The following STXBP5L variants were observed in gnomAD, a reference collection of about 807,000 sequenced individuals.
STXBP5L encodes syntaxin-binding protein 5-like.
In STXBP5L, 65 loss-of-function variants were observed where a neutral mutation model predicts 144.5. The ratio of observed to expected loss-of-function variants is 0.45; its 90% CI spans 0.37 to 0.55. The LOEUF (loss-of-function observed/expected upper bound fraction) is 0.55. STXBP5L is among the 20% of genes least tolerant of loss of function. The pLI is 0.00. For missense variants in STXBP5L, 1,298 were observed against 1,405.5 expected, an observed-to-expected ratio of 0.92 and a Z score of 1.22; for synonymous variants, 505 against 469.6, an observed-to-expected ratio of 1.08 and a Z score of -0.97.
At chr3:121,303,693 C>T (rs1366020479) in intron 19 of STXBP5L, among the ~76,000 whole-genome samples, 3 of 152,148 alleles carry the variant, frequency 2.0e-5, no homozygotes, top group Non-Finnish European at 4.4e-5. Flanking sequence ...GAATACTATG[C>T]AGCCATAAAA....
intron 3 of STXBP5L, among the ~76,000 whole-genome samples, chr3:120,984,135 C>G (rs951003468): frequency 3.3e-5 from 5 of 152,190 alleles, no homozygotes; most frequent in East Asian, 1.9e-4. Context: ...AGACTCTTCT[C>G]TTAGACTCAT....
At position 121,157,504 on chromosome 3, in the gene STXBP5L, G is replaced by T; in HGVS notation, c.754G>T (p.Ala252Ser). ...CTTGTTTTAATTGTTATTTTATTAG[G>T]CTATTCATTCAATTGATTGGCATCA... ...RAELRVYYDE[A>S]IHSIDWHHEG... Residue 252 changes from alanine (A) to serine (S), a missense_variant and splice_region_variant, in exon 9 of 27, where the codon GCT (alanine) becomes TCT (serine). Ala to Ser is a moderately conservative substitution (Grantham distance 99, BLOSUM62 1). Transcript: ENST00000471454. The T allele has an allele frequency of 1.3e-6, 2 of 1,573,116 alleles. No homozygotes were observed. The highest frequency in any genetic ancestry group is 8.6e-7 in the Non-Finnish European group (1 of 1,165,186).
At chr3:121,189,289 C>G (rs2108150948) in intron 9 of STXBP5L, among the ~76,000 whole-genome samples, 1 of 152,300 alleles carries the variant, frequency 6.6e-6, no homozygotes, top group South Asian at 2.1e-4. Flanking sequence ...AACATGAAGT[C>G]CTTGCCCATG....
intron 20 of STXBP5L, among the ~76,000 whole-genome samples, chr3:121,339,070 C>T (rs565409308): frequency 2.0e-5 from 3 of 151,986 alleles, no homozygotes; most frequent in Non-Finnish European, 4.4e-5. Context: ...ACCTTGATAC[C>T]AAAGCCAGGA....
chr3:121,003,774 T>C (rs1462135558), intron 3 of STXBP5L, among the ~76,000 whole-genome samples: 1 of 152,172 alleles, frequency 6.6e-6, no homozygotes, highest in Non-Finnish European at 1.5e-5. Context: ...TACATATGGC[T>C]AGGCAGTTTT....
In STXBP5L at chr3:120,913,799, G is replaced by A. The variant is rs142519174; in HGVS notation, c.189+4032G>A. 2.9e-4 allele frequency among the ~76,000 whole-genome samples: 44 copies of A among 152,038 alleles called. No individual in the cohort carries two copies. The East Asian group carries it at 8.1e-3, about 28-fold the overall frequency. On this transcript the variant is annotated intron_variant, in intron 2 of 26. Coordinates refer to ENST00000471454, the MANE Select transcript of STXBP5L (RefSeq NM_001308330.2). ...TATGTATAAAGCAAGGCTTTATTTT[G>A]TTCACATCTGTATCATCTATGTATA...
At chr3:121,265,104 C>G (rs1029165942) in intron 18 of STXBP5L, among the ~76,000 whole-genome samples, 10 of 152,180 alleles carry the variant, frequency 6.6e-5, no homozygotes, top group Non-Finnish European at 1.5e-5. Flanking sequence ...GACTTGAACT[C>G]AGCTCTGGAA....
At chr3:121,031,126 T>G (rs533300517) in intron 3 of STXBP5L, among the ~76,000 whole-genome samples, 10 of 152,164 alleles carry the variant, frequency 6.6e-5, no homozygotes, top group African/African-American at 2.2e-4. Context: ...AAACACCCCA[T>G]AAACCACATG....
chr3:121,157,427 T>C (rs753207209), intron 8 of STXBP5L, 77 bp from the exon 9 acceptor site: 15 of 1,381,404 alleles, frequency 1.1e-5, no homozygotes, highest in Non-Finnish European at 1.4e-5. Context: ...ATCAGAATAG[T>C]TTTTCTTTGG....
intron 20 of STXBP5L, among the ~76,000 whole-genome samples, chr3:121,360,759 G>T (rs1413627519): frequency 6.6e-6 from 1 of 152,034 alleles, no homozygotes; most frequent in Non-Finnish European, 1.5e-5. Flanking sequence ...GTCTTGAAAA[G>T]TTGTAGTTAT....
intron 3 of STXBP5L, among the ~76,000 whole-genome samples, chr3:121,039,360 A>G (rs1946981683): frequency 6.6e-6 from 1 of 151,946 alleles, no homozygotes; most frequent in South Asian, 2.1e-4. Context: ...ATGGTATAAT[A>G]GTAAAGTTTC....
chr3:121,366,817 C>A (rs2045876795), intron 20 of STXBP5L, among the ~76,000 whole-genome samples: 1 of 148,828 alleles, frequency 6.7e-6, no homozygotes, highest in South Asian at 2.1e-4. Flanking sequence ...TTTTGTACTC[C>A]ATTTTTTTAT....
At chr3:121,288,748 T>C (rs1173839696) in intron 19 of STXBP5L, among the ~76,000 whole-genome samples, 1 of 152,186 alleles carries the variant, frequency 6.6e-6, no homozygotes, top group Non-Finnish European at 1.5e-5. Flanking sequence ...AAACCTTTGT[T>C]GGATGCATAA....
At chr3:120,931,009 G>C (rs1451818504) in intron 2 of STXBP5L, among the ~76,000 whole-genome samples, 1 of 152,006 alleles carries the variant, frequency 6.6e-6, no homozygotes, top group African/African-American at 2.4e-5. Flanking sequence ...ATGTAGACTA[G>C]GTTCTGGAAT....
chr3:121,119,771 A>C (rs1270483198), intron 6 of STXBP5L, among the ~76,000 whole-genome samples: 1 of 151,364 alleles, frequency 6.6e-6, no homozygotes, highest in Non-Finnish European at 1.5e-5. Flanking sequence ...ATCTCTATGC[A>C]GTGAAATAAT....
chr3:121,367,533 T>C (rs2045895150), intron 20 of STXBP5L, among the ~76,000 whole-genome samples: 1 of 151,550 alleles, frequency 6.6e-6, no homozygotes, highest in Admixed American at 6.6e-5. Flanking sequence ...AAGGATGCCT[T>C]GTATATGATG....
intron 5 of STXBP5L, among the ~76,000 whole-genome samples, chr3:121,092,095 G>C (rs577474341): frequency 6.6e-6 from 1 of 152,136 alleles, no homozygotes; most frequent in Non-Finnish European, 1.5e-5. Flanking sequence ...TAGATATGCA[G>C]CGTTATTTCT....
At chr3:121,365,872 T>G (rs1384249858) in intron 20 of STXBP5L, among the ~76,000 whole-genome samples, 1 of 151,774 alleles carries the variant, frequency 6.6e-6, no homozygotes, top group Non-Finnish European at 1.5e-5. Flanking sequence ...CCTTGAGATT[T>G]TTCTTATTTT....
intron 9 of STXBP5L, among the ~76,000 whole-genome samples, chr3:121,172,815 C>G (rs1270654754): frequency 6.6e-6 from 1 of 152,196 alleles, no homozygotes; most frequent in East Asian, 1.9e-4. Flanking sequence ...TTTAACTCAG[C>G]TATCCCATTA....
Sources: allele counts gnomAD v4.1 joint callset (sites outside exome capture counted in the v4.1 genomes callset), GRCh38; gene constraint gnomAD v4.1.1; transcripts MANE v1.5; gene names NCBI Gene and HGNC (gene_info 2026-07-23, HGNC 2026-07-21).